BRWD1: variants seen among roughly 807,000 people sequenced by gnomAD.
The protein encoded by BRWD1 is bromodomain and WD repeat domain containing 1, also known as bromodomain and WD repeat-containing protein 1.
A neutral mutation model predicts 251.2 loss-of-function variants in BRWD1; 82 were observed. The ratio of observed to expected loss-of-function variants is 0.33; its 90% confidence interval spans 0.27 to 0.39. The LOEUF is 0.39. BRWD1 is among the 10% of genes least tolerant of loss of function. BRWD1 has a pLI of 1.00. For synonymous variants in BRWD1, 918 were observed against 902.8 expected, an observed-to-expected ratio of 1.02 and a Z score of -0.30; for missense variants, 2,233 against 2,711.6, an observed-to-expected ratio of 0.82 and a Z score of 3.92.
At chr21:39,300,520 G>A (rs2036080886) in intron 4 of BRWD1, among the ~76,000 whole-genome samples, 2 of 152,178 alleles carry the variant, frequency 1.3e-5, no homozygotes, top group African/African-American at 4.8e-5. Flanking sequence ...CTCAAAGCAT[G>A]GAAAGCCAGT....
At chr21:39,238,026 C>T (rs971612237) in intron 22 of BRWD1, among the ~76,000 whole-genome samples, 2 of 151,672 alleles carry the variant, frequency 1.3e-5, no homozygotes, top group African/African-American at 2.4e-5. Context: ...GATAGGTGGA[C>T]AAGAGAGATT....
intron 33 of BRWD1, among the ~76,000 whole-genome samples, chr21:39,213,106 T>G (rs1442485666): frequency 1.3e-5 from 2 of 152,172 alleles, no homozygotes; most frequent in Admixed American, 6.6e-5. Flanking sequence ...CTTTTTTATT[T>G]ATTGTAGAGA....
chr21:39,315,896 G>T (rs958532300), upstream of BRWD1: 1 of 152,212 alleles, frequency 6.6e-6, no homozygotes, highest in Non-Finnish European at 1.5e-5. Context: ...TGTTAGGGAA[G>T]TTTGGGTTAT....
Position 39,193,020 on chromosome 21 carries a change from A to G in BRWD1, c.*3239T>C. The G allele has an allele frequency of 5.1e-6, 5 of 985,112 alleles. No homozygotes were observed. The highest frequency in any genetic ancestry group is 6.0e-6 in the Non-Finnish European group (5 of 829,712). 61.0% of individuals were successfully genotyped at this position (985,112 alleles called of 1,614,324 possible). ...TACTTACGAGGTCATAACGAGTGCA[A>G]AGGGCTTAGTGATGCATCTTATTCT... On this transcript the variant is annotated 3_prime_UTR_variant, in exon 41 of 41. Transcript: ENST00000342449.
At chr21:39,315,588 C>G (rs888306127), upstream of BRWD1, 7 of 151,928 alleles carry the variant, frequency 4.6e-5, no homozygotes, top group African/African-American at 1.7e-4. Flanking sequence ...GAACCGAGAT[C>G]GCGCCACTGC....
At chr21:39,313,739 C>G, upstream of BRWD1, 1 of 382,188 alleles carries the variant, frequency 2.6e-6, no homozygotes, top group Non-Finnish European at 4.7e-6. Flanking sequence ...GAGCTCGTGT[C>G]CCGCCCGGGG....
In BRWD1 at chr21:39,197,311, C is replaced by T. The variant is rs768875784; in HGVS notation, c.5758G>A (p.Ala1920Thr). The change falls in exon 41 of 41, where the codon GCC (alanine) becomes ACC (threonine). Residue 1920 changes from alanine to threonine, a missense_variant. By Grantham distance (58) the Ala-to-Thr change is moderately conservative (BLOSUM62 0). Transcript: ENST00000342449. ...GTAATCCTCAGGAGACCTGTTCTGG[C>T]TTTTGATGATTTCTTAACCACCTGT... ...SLQVVKKSSK[A>T]RTGLLRITRR... 6.2e-7 allele frequency: 1 copy of T among 1,613,916 alleles called. No homozygotes were observed.
intron 36 of BRWD1, among the ~76,000 whole-genome samples, chr21:39,207,152 C>G (rs2032431940): frequency 6.6e-6 from 1 of 152,008 alleles, no homozygotes; most frequent in Non-Finnish European, 1.5e-5. Context: ...AAATTTTATT[C>G]TGCCAGGCAC....
At chr21:39,272,217 G>A (rs1466061682) in intron 13 of BRWD1, among the ~76,000 whole-genome samples, 13 of 150,724 alleles carry the variant, frequency 8.6e-5, no homozygotes, top group Non-Finnish European at 1.2e-4. Flanking sequence ...GGTGGATCAC[G>A]AGGTCAGGAG....
At position 39,194,034 on chromosome 21, in the gene BRWD1, T is replaced by G. The variant is rs2031687631; in HGVS notation, c.*2225A>C. ...TTAAAGACATCAGGTCCATTCTTGC[T>G]GCTTCTGATGAAACCAAATCTGATT... On this transcript the variant is annotated 3_prime_UTR_variant, in exon 41 of 41. Coordinates refer to ENST00000342449, the MANE Select transcript of BRWD1 (RefSeq NM_033656.4). 1 of 985,490 alleles carries G rather than the reference T, an allele frequency of 1.0e-6. No homozygotes were observed. Among genetic ancestry groups the G allele is most frequent in the Admixed American group, 6.2e-5 (1 of 16,232 alleles). The allele number at this position is 985,490 out of a possible 1,614,324, so 61.0% of individuals were successfully genotyped here. A position where few individuals can be genotyped will look rare whatever the true frequency, so the allele number is the denominator to read the frequency against.
intron 22 of BRWD1, among the ~76,000 whole-genome samples, chr21:39,237,681 T>G (rs1342324340): frequency 1.3e-5 from 2 of 152,212 alleles, no homozygotes; most frequent in Non-Finnish European, 2.9e-5. Context: ...AAAAGAATCA[T>G]TCTTTAATTG....
At chr21:39,220,880 A>G (rs1402672118) in intron 29 of BRWD1, among the ~76,000 whole-genome samples, 2 of 152,120 alleles carry the variant, frequency 1.3e-5, no homozygotes, top group Non-Finnish European at 2.9e-5. Flanking sequence ...ACTCAACACC[A>G]GGAATGGTGG....
chr21:39,305,419 C>T (rs540145716), intron 4 of BRWD1, among the ~76,000 whole-genome samples: 5 of 152,240 alleles, frequency 3.3e-5, no homozygotes, highest in South Asian at 2.1e-4. Flanking sequence ...AAACTAGTAA[C>T]TACTCTCTTT....
chr21:39,271,292 C>T (rs2035092980), intron 13 of BRWD1, among the ~76,000 whole-genome samples: 1 of 150,994 alleles, frequency 6.6e-6, no homozygotes, highest in African/African-American at 2.4e-5. Flanking sequence ...ACTACGTTCT[C>T]AAAAAATAAA....
rs1222472776 is a variant in BRWD1, at chr21:39,203,434, GGTTCTTTTTTTTTTT to G, written c.4365-904_4365-890del. 4.2e-4 allele frequency among the ~76,000 whole-genome samples: 27 copies of G among 64,314 alleles called. 1 individual carries two copies. The South Asian group carries it at 0.012, about 29-fold the overall frequency. 42.2% of individuals were successfully genotyped at this position (64,314 alleles called of 152,430 possible). On this transcript the variant is annotated intron_variant, in intron 37 of 40. Coordinates refer to ENST00000342449, the MANE Select transcript of BRWD1 (RefSeq NM_033656.4). ...AGCCTGGGCAACAGAGCAAGACCCT[GGTTCTTTTTTTTTTT>G]TTTTTTTTTTTTTGAGACAGAGTCT...
chr21:39,206,041 G>A, intron 37 of BRWD1, 67 bp downstream of exon 37: 1 of 1,479,102 alleles, frequency 6.8e-7, no homozygotes, highest in Non-Finnish European at 9.1e-7. Context: ...TCCAGCCTGG[G>A]TGACACAGTG....
chr21:39,199,125 T>C lies in BRWD1; in HGVS notation c.5291A>G (p.Asp1764Gly), dbSNP rs755944271. 3 of 1,614,050 alleles carry C rather than the reference T, an allele frequency of 1.9e-6. No homozygotes were observed. Among genetic ancestry groups the C allele is most frequent in the Non-Finnish European group, 1.7e-6 (2 of 1,180,006 alleles). ...ESSEEDSKSH[D>G]SDHACNRTAG... The stretch of plus-strand genomic sequence containing the variant: ...AGTTCTGTTACATGCATGATCTGAA[T>C]CATGACTTTTAGAGTCTTCCTCAGA... The change falls in exon 40 of 41, where the codon GAT (aspartate) becomes GGT (glycine). Residue 1764 changes from aspartate (D) to glycine (G), a missense_variant. Around this residue, in one of 12 missense-constraint regions of BRWD1, gnomAD observed 928 missense variants for 970.0 expected, o/e 0.96. Transcript: ENST00000342449.
At position 39,253,286 on chromosome 21, in the gene BRWD1, CAAAAAAAAAAA is replaced by C. The variant is rs57456792; in HGVS notation, c.2255+2348_2255+2358del. 4.8e-5 allele frequency among the ~76,000 whole-genome samples: 4 copies of C among 83,820 alleles called. No individual in the cohort carries two copies. In the South Asian group the frequency reaches 1.4e-3, roughly 30 times the overall value. 55.0% of individuals were successfully genotyped at this position (83,820 alleles called of 152,430 possible). ...CTGGGTGACAAAAGCGAAACTGTCT[CAAAAAAAAAAA>C]AAAAAAAAAAAAAAGGACTAGAAGC... On this transcript the variant is annotated intron_variant, in intron 19 of 40. Transcript: ENST00000342449.
intron 33 of BRWD1, 78 bp from the exon 34 acceptor site, chr21:39,212,785 T>C: frequency 3.9e-6 from 4 of 1,031,278 alleles, no homozygotes; most frequent in Non-Finnish European, 5.8e-6. Context: ...AAATAACATA[T>C]CAAAGACATT....
Sources: allele counts gnomAD v4.1 joint callset (sites outside exome capture counted in the v4.1 genomes callset), GRCh38; gene constraint gnomAD v4.1.1; regional missense constraint gnomAD v4.1.1; transcripts MANE v1.5; gene names NCBI Gene and HGNC (gene_info 2026-07-23, HGNC 2026-07-21).